The following CMIP variants were observed in gnomAD, a reference collection of about 807,000 sequenced individuals.
CMIP encodes the protein C-Maf-inducing protein.
A neutral mutation model predicts 97.3 loss-of-function variants in CMIP; 13 were observed. The observed-to-expected ratio is 0.13, with a 90% CI of 0.09 to 0.21. The LOEUF (loss-of-function observed/expected upper bound fraction) is 0.21. Among genes scored for constraint, CMIP ranks in the 10% least tolerant of loss-of-function variants. The pLI is 1.00. For synonymous variants in CMIP, 538 were observed against 436.3 expected (o/e 1.23, Z -2.91); for missense variants, 847 against 1,024.9 (o/e 0.83, Z 2.37).
In CMIP at chr16:81,691,767, C is replaced by T. The variant is rs757994570; in HGVS notation, c.1389-8C>T. 2 of 1,613,220 alleles carry T rather than the reference C, an allele frequency of 1.2e-6. No homozygotes were observed. The highest frequency in any genetic ancestry group is 1.1e-5 in the South Asian group (1 of 90,988). The stretch of plus-strand genomic sequence containing the variant: ...ACCAAAGCTGACTGTCACCCTCTCT[C>T]ATTCTAGGTCAGACTATGATGACTG... On this transcript the variant is annotated splice_polypyrimidine_tract_variant and splice_region_variant and intron_variant, in intron 10 of 20. Transcript: ENST00000537098.
At chr16:81,539,849 A>G (rs1218526994) in intron 1 of CMIP, among the ~76,000 whole-genome samples, 5 of 152,284 alleles carry the variant, frequency 3.3e-5, no homozygotes, top group East Asian at 1.9e-4. Context: ...AGTTCATAGC[A>G]TGTGATTCAT....
At chr16:81,666,973 G>A (rs957784400) in intron 7 of CMIP, 1 of 151,908 alleles carries the variant, frequency 6.6e-6, no homozygotes, top group Non-Finnish European at 1.5e-5. Context: ...CTGGTGTGGG[G>A]GGGGGGTCAT....
At chr16:81,580,124 G>A (rs12926649) in intron 1 of CMIP, among the ~76,000 whole-genome samples, 60,180 of 152,026 alleles carry the variant, frequency 0.4, 14,381 homozygotes, top group Non-Finnish European at 0.53. Flanking sequence ...GGAGGCAGGG[G>A]TTTCCTAACC....
intron 1 of CMIP, among the ~76,000 whole-genome samples, chr16:81,527,541 G>C (rs928700484): frequency 6.6e-6 from 1 of 152,100 alleles, no homozygotes; most frequent in African/African-American, 2.4e-5. Context: ...CTACCACCAG[G>C]CTATCAGTTG....
At chr16:81,639,024 T>A (rs1482593831) in intron 3 of CMIP, among the ~76,000 whole-genome samples, 5 of 152,122 alleles carry the variant, frequency 3.3e-5, no homozygotes. Flanking sequence ...CTTTCCAGAA[T>A]GCCGAGGGAG....
intron 1 of CMIP, among the ~76,000 whole-genome samples, chr16:81,603,142 C>G (rs577184907): frequency 6.6e-6 from 1 of 152,150 alleles, no homozygotes; most frequent in Non-Finnish European, 1.5e-5. Context: ...TGCAGTGGCG[C>G]GATCTCGGCT....
At chr16:81,692,555 T>C (rs1906213408) in intron 11 of CMIP, among the ~76,000 whole-genome samples, 1 of 152,172 alleles carries the variant, frequency 6.6e-6, no homozygotes, top group Non-Finnish European at 1.5e-5. Flanking sequence ...CAAGCGTGTT[T>C]AGGAAATGCT....
chr16:81,686,558 G>A (rs573207095), intron 10 of CMIP, among the ~76,000 whole-genome samples: 4 of 152,276 alleles, frequency 2.6e-5, no homozygotes, highest in Non-Finnish European at 5.9e-5. Flanking sequence ...GCGGTCGCTG[G>A]CATCACTGTC....
At chr16:81,528,910 C>A (rs2090181084) in intron 1 of CMIP, among the ~76,000 whole-genome samples, 1 of 152,090 alleles carries the variant, frequency 6.6e-6, no homozygotes, top group Admixed American at 6.6e-5. Flanking sequence ...CTTCCTTTCT[C>A]CTCTCCTTCA....
chr16:81,542,100 C>G (rs764307687), intron 1 of CMIP, among the ~76,000 whole-genome samples: 7 of 152,170 alleles, frequency 4.6e-5, no homozygotes, highest in Admixed American at 2.0e-4. Flanking sequence ...GCTTTTCACT[C>G]TTAAACACAG....
At chr16:81,494,524 C>T (rs1028523692) in intron 1 of CMIP, among the ~76,000 whole-genome samples, 3 of 152,160 alleles carry the variant, frequency 2.0e-5, no homozygotes, top group African/African-American at 7.2e-5. Flanking sequence ...GTAAGCGGAA[C>T]AGGACACACT....
chr16:81,684,964 G>A (rs1259018622), intron 10 of CMIP, among the ~76,000 whole-genome samples: 7 of 152,224 alleles, frequency 4.6e-5, no homozygotes, highest in African/African-American at 1.4e-4. Flanking sequence ...CCCAGAGCCA[G>A]GGCAGTCCCG....
chr16:81,604,572 G>T (rs1047689653), intron 1 of CMIP, among the ~76,000 whole-genome samples: 4 of 151,612 alleles, frequency 2.6e-5, no homozygotes, highest in East Asian at 1.9e-4. Context: ...ATGGTGGCAG[G>T]CGCCTGTAAT....
At chr16:81,650,159 C>T (rs2092410751) in intron 3 of CMIP, among the ~76,000 whole-genome samples, 1 of 152,330 alleles carries the variant, frequency 6.6e-6, no homozygotes, top group East Asian at 1.9e-4. Flanking sequence ...ACTGTACACT[C>T]ACCCCCGACA....
At chr16:81,700,469 G>C (rs1244165401) in intron 15 of CMIP, 1 of 152,662 alleles carries the variant, frequency 6.6e-6, no homozygotes, top group East Asian at 1.9e-4. Context: ...GGGAACCAAG[G>C]CAGAAGCCAT....
chr16:81,540,647 T>A (rs988293206), intron 1 of CMIP, among the ~76,000 whole-genome samples: 2 of 7,936 alleles, frequency 2.5e-4, no homozygotes, highest in African/African-American at 3.9e-4. Context: ...GTTTTGAGTG[T>A]GTGTGTGTGT....
At chr16:81,619,696 G>T (rs1172046911) in intron 2 of CMIP, 1 of 152,160 alleles carries the variant, frequency 6.6e-6, no homozygotes. Context: ...TTACAGCAGG[G>T]GTCAGATTAC....
intron 1 of CMIP, among the ~76,000 whole-genome samples, chr16:81,591,489 G>A (rs563637415): frequency 2.0e-5 from 3 of 152,308 alleles, no homozygotes; most frequent in South Asian, 2.1e-4. Flanking sequence ...ACTACTTAGC[G>A]ATTCAAAGAC....
intron 1 of CMIP, among the ~76,000 whole-genome samples, chr16:81,605,666 T>C (rs940948009): frequency 6.6e-6 from 1 of 152,206 alleles, no homozygotes; most frequent in Non-Finnish European, 1.5e-5. Context: ...TCTGAGCCTT[T>C]GCACTGGCCG....
Sources: gnomAD v4.1 joint callset for allele counts (sites outside exome capture counted in the v4.1 genomes callset) on GRCh38, gnomAD v4.1.1 for gene constraint, MANE v1.5 for transcripts, NCBI Gene and HGNC (gene_info 2026-07-23, HGNC 2026-07-21) for gene names.